The following PRKCA variants were observed in gnomAD, a reference collection of about 807,000 sequenced individuals.
PRKCA encodes protein kinase C alpha type.
A neutral mutation model predicts 87.0 loss-of-function variants in PRKCA; 27 were observed. That is an observed-to-expected ratio of 0.31 (90% CI 0.23 to 0.43). PRKCA has a LOEUF of 0.43. PRKCA is among the 20% of genes least tolerant of loss of function. The probability of loss-of-function intolerance (pLI) is 1.00; values close to 1 mark genes in which losing one functional copy is unlikely to be tolerated. For synonymous variants in PRKCA, 329 were observed against 311.1 expected (o/e 1.06, Z -0.61); for missense variants, 518 against 852.3 (o/e 0.61, Z 4.88).
At position 66,399,870 on chromosome 17, in the gene PRKCA, C is replaced by T. The variant is rs143328123; in HGVS notation, c.205+93743C>T. Among the ~76,000 whole-genome samples the T allele has an allele frequency of 3.0e-4, 46 of 152,196 alleles. No homozygotes were observed. In the East Asian group the frequency reaches 4.6e-3, roughly 15 times the overall value. On this transcript the variant is annotated intron_variant, in intron 2 of 16. Coordinates refer to ENST00000413366, the MANE Select transcript of PRKCA (RefSeq NM_002737.3). ...ATCCCTTATCTGAAATGCTTGGGAT[C>T]AGAAATGGTTCAGATTGGGGATTTT...
chr17:66,381,630 G>GCC lies in PRKCA; in HGVS notation c.205+75503_205+75504insCC, dbSNP rs1270675404. On this transcript the variant is annotated intron_variant, in intron 2 of 16. Coordinates refer to ENST00000413366, the MANE Select transcript of PRKCA (RefSeq NM_002737.3). ...CAAGGAGTCAGATTTGCCTATGAATGTACTTATGTAGCATGGAGCAGCAAA... is the reference window on the plus strand; with the variant it reads ...CAAGGAGTCAGATTTGCCTATGAATGCCTACTTATGTAGCATGGAGCAGCAAA... Among the ~76,000 whole-genome samples, 76 of 152,268 alleles carry GCC rather than the reference G, an allele frequency of 5.0e-4. 1 individual carries two copies. The highest frequency in any genetic ancestry group is 1.7e-3 in the African/African-American group (69 of 41,568).
At chr17:66,440,518 A>G (rs1223728731) in intron 2 of PRKCA, among the ~76,000 whole-genome samples, 1 of 152,158 alleles carries the variant, frequency 6.6e-6, no homozygotes, top group African/African-American at 2.4e-5. Flanking sequence ...AGTGTAGCAG[A>G]GAGATGGGTA....
chr17:66,766,517 A>G (rs1974815114), intron 13 of PRKCA, among the ~76,000 whole-genome samples: 1 of 152,164 alleles, frequency 6.6e-6, no homozygotes. Context: ...TGATACACAC[A>G]GCAACACTGT....
At position 66,310,207 on chromosome 17, in the gene PRKCA, A is replaced by ATT. The variant is rs11361111; in HGVS notation, c.205+4094_205+4095dup. Reference sequence around the variant, plus strand: ...GCCTAACCTCCACTTGTTTTCTCTAATTTTTTTTTTTTTTTGCTATTCTTT... The same window carrying ATT: ...GCCTAACCTCCACTTGTTTTCTCTAATTTTTTTTTTTTTTTTTGCTATTCTTT... On this transcript the variant is annotated intron_variant, in intron 2 of 16. Transcript: ENST00000413366. 6.3e-3 allele frequency among the ~76,000 whole-genome samples: 909 copies of ATT among 145,368 alleles called. 10 individuals are homozygous for ATT. Among genetic ancestry groups the ATT allele is most frequent in the African/African-American group, 0.018 (710 of 39,484 alleles).
intron 8 of PRKCA, among the ~76,000 whole-genome samples, chr17:66,714,097 A>C (rs1423157675): frequency 1.3e-5 from 2 of 152,142 alleles, no homozygotes; most frequent in African/African-American, 4.8e-5. Flanking sequence ...AAAGCCCAGC[A>C]GTTGCAGCTG....
intron 2 of PRKCA, among the ~76,000 whole-genome samples, chr17:66,368,296 A>G (rs1171904651): frequency 6.9e-6 from 1 of 144,542 alleles, no homozygotes; most frequent in Non-Finnish European, 1.5e-5. Context: ...ATACACACAT[A>G]TATGTGTGTG....
intron 16 of PRKCA, among the ~76,000 whole-genome samples, chr17:66,789,752 A>C (rs1281943805): frequency 1.3e-5 from 2 of 152,186 alleles, no homozygotes; most frequent in Admixed American, 1.3e-4. Context: ...CTTTGTCCTC[A>C]CCTACTGCAC....
intron 2 of PRKCA, among the ~76,000 whole-genome samples, chr17:66,347,941 C>CTTTTTTTTTTTTTT (rs57292153): frequency 0.15 from 8,561 of 56,258 alleles, 3,110 homozygotes; most frequent in South Asian, 0.2. Flanking sequence ...AATTCTGAAC[C>CTTTTTTTTTTTTTT]TTTTTTTTTT....
chr17:66,331,394 A>G (rs918936591), intron 2 of PRKCA, among the ~76,000 whole-genome samples: 1 of 152,122 alleles, frequency 6.6e-6, no homozygotes, highest in African/African-American at 2.4e-5. Context: ...TTAGGTATTT[A>G]GTATCTTTAT....
At chr17:66,389,282 G>A (rs930257093) in intron 2 of PRKCA, among the ~76,000 whole-genome samples, 4 of 152,176 alleles carry the variant, frequency 2.6e-5, no homozygotes, top group African/African-American at 9.7e-5. Context: ...GAAGGGGAGG[G>A]AAGAGAGGAG....
intron 3 of PRKCA, among the ~76,000 whole-genome samples, chr17:66,527,972 CG>C (rs1967402568): frequency 6.6e-6 from 1 of 151,966 alleles, no homozygotes; most frequent in Non-Finnish European, 1.5e-5. Flanking sequence ...TCAAGGCGGG[CG>C]GATCACTTGA....
intron 14 of PRKCA, chr17:66,774,818 TCTC>T: frequency 1.0e-6 from 1 of 985,378 alleles, no homozygotes; most frequent in Non-Finnish European, 1.2e-6. Context: ...TTTCTCCCCA[TCTC>T]CTCCTATCTC....
intron 4 of PRKCA, among the ~76,000 whole-genome samples, chr17:66,644,111 A>G (rs1377837777): frequency 6.6e-6 from 1 of 152,208 alleles, no homozygotes; most frequent in Non-Finnish European, 1.5e-5. Context: ...GCTTTTCAAG[A>G]GCCTTTATAT....
intron 2 of PRKCA, among the ~76,000 whole-genome samples, chr17:66,482,178 G>A (rs556942701): frequency 6.6e-6 from 1 of 151,798 alleles, no homozygotes; most frequent in African/African-American, 2.4e-5. Context: ...AAGACTAGAA[G>A]GATACATGTG....
intron 8 of PRKCA, among the ~76,000 whole-genome samples, chr17:66,722,359 G>A (rs1973636307): frequency 6.6e-6 from 1 of 152,148 alleles, no homozygotes; most frequent in African/African-American, 2.4e-5. Context: ...TACAATGTAA[G>A]TCATTTGTCA....
rs1973152404 is a variant in PRKCA at position 66,704,867 on chromosome 17, C to G, written c.918+15820C>G. ...GGAAAGAGCAAGCAAGCATTTTTCT[C>G]TTTTATCAGAATTAGATTTTCCCAA... On this transcript the variant is annotated intron_variant, in intron 8 of 16. Coordinates refer to ENST00000413366, the MANE Select transcript of PRKCA (RefSeq NM_002737.3). 1.3e-5 allele frequency among the ~76,000 whole-genome samples: 2 copies of G among 152,176 alleles called. 1 individual carries two copies. Among genetic ancestry groups the G allele is most frequent in the South Asian group, 4.1e-4 (2 of 4,828 alleles).
chr17:66,716,259 C>T (rs1029763227), intron 8 of PRKCA, among the ~76,000 whole-genome samples: 2 of 152,022 alleles, frequency 1.3e-5, no homozygotes, highest in African/African-American at 4.8e-5. Context: ...GATTCTTGAC[C>T]CTGCCACAGC....
chr17:66,341,555 G>T (rs1473805794), intron 2 of PRKCA, among the ~76,000 whole-genome samples: 1 of 152,180 alleles, frequency 6.6e-6, no homozygotes, highest in East Asian at 1.9e-4. Flanking sequence ...CTCGAAAGAA[G>T]TTTGCCAAAA....
chr17:66,484,217 T>C (rs1915905239), intron 2 of PRKCA, among the ~76,000 whole-genome samples: 1 of 152,138 alleles, frequency 6.6e-6, no homozygotes, highest in Admixed American at 6.5e-5. Flanking sequence ...TGTCTCCCAC[T>C]GGGCCCCTCC....
Sources: allele counts gnomAD v4.1 joint callset (sites outside exome capture counted in the v4.1 genomes callset), GRCh38; gene constraint gnomAD v4.1.1; transcripts MANE v1.5; gene names NCBI Gene and HGNC (gene_info 2026-07-23, HGNC 2026-07-21).